Variants in GRM5 observed in about 807,000 individuals in gnomAD.
The protein encoded by GRM5 is glutamate metabotropic receptor 5, also known as metabotropic glutamate receptor 5.
In GRM5, 19 loss-of-function variants were observed where a neutral mutation model predicts 83.1. The observed-to-expected ratio is 0.23, with a 90% CI of 0.16 to 0.34. GRM5 has a LOEUF of 0.34. Among genes scored for constraint, GRM5 ranks in the 10% least tolerant of loss-of-function variants. The pLI is 1.00. For synonymous variants in GRM5, 675 were observed against 633.6 expected (o/e 1.07, Z -0.98); for missense variants, 1,160 against 1,588.3 (o/e 0.73, Z 4.58).
At chr11:88,574,296 T>C (rs1351085133) in intron 7 of GRM5, among the ~76,000 whole-genome samples, 27 of 152,214 alleles carry the variant, frequency 1.8e-4, no homozygotes. Flanking sequence ...AAAAAACTTT[T>C]GCGTTGCCTT....
chr11:88,875,988 C>A (rs1590931131), intron 2 of GRM5, among the ~76,000 whole-genome samples: 1 of 152,166 alleles, frequency 6.6e-6, no homozygotes, highest in Non-Finnish European at 1.5e-5. Context: ...CTGGCTTCAA[C>A]TTAAGGTCAC....
intron 3 of GRM5, among the ~76,000 whole-genome samples, chr11:88,805,896 G>A (rs1943492006): frequency 6.6e-6 from 1 of 152,036 alleles, no homozygotes; most frequent in Admixed American, 6.6e-5. Context: ...CCTTGACACT[G>A]ACATATTAAA....
chr11:88,983,401 G>C (rs995027998), intron 2 of GRM5, among the ~76,000 whole-genome samples: 1 of 152,170 alleles, frequency 6.6e-6, no homozygotes, highest in African/African-American at 2.4e-5. Flanking sequence ...TGGTCAACAA[G>C]AAATCATATA....
intron 3 of GRM5, among the ~76,000 whole-genome samples, chr11:88,715,421 G>A (rs1941378476): frequency 1.1e-5 from 1 of 88,652 alleles, no homozygotes; most frequent in African/African-American, 4.0e-5. Context: ...CTCCCTGATG[G>A]CATTTTTTCA....
intron 3 of GRM5, among the ~76,000 whole-genome samples, chr11:88,767,888 A>T (rs1196855669): frequency 6.6e-6 from 1 of 151,948 alleles, no homozygotes; most frequent in Admixed American, 6.6e-5. Context: ...AAACTATGAG[A>T]TACCACCTTA....
intron 4 of GRM5, among the ~76,000 whole-genome samples, chr11:88,625,281 A>G (rs146421532): frequency 1.6e-3 from 248 of 152,226 alleles, no homozygotes; most frequent in African/African-American, 5.7e-3. Flanking sequence ...AATGTGCCCC[A>G]CTTCAACTTA....
chr11:88,869,312 T>A (rs1944722880), intron 2 of GRM5, among the ~76,000 whole-genome samples: 1 of 151,632 alleles, frequency 6.6e-6, no homozygotes, highest in Admixed American at 6.6e-5. Context: ...TTTATGAAAT[T>A]GTGTAGGTAG....
intron 2 of GRM5, among the ~76,000 whole-genome samples, chr11:88,902,664 A>C (rs557120931): frequency 6.6e-6 from 1 of 152,222 alleles, no homozygotes; most frequent in Non-Finnish European, 1.5e-5. Flanking sequence ...GTGTGAAAAT[A>C]AAGCAGAGAG....
chr11:88,960,648 A>G (rs1938754467), intron 2 of GRM5, among the ~76,000 whole-genome samples: 1 of 152,198 alleles, frequency 6.6e-6, no homozygotes, highest in Non-Finnish European at 1.5e-5. Context: ...ATACCCAGAA[A>G]TTTTAGGAAA....
At chr11:88,753,026 C>G (rs1283279220) in intron 3 of GRM5, among the ~76,000 whole-genome samples, 4 of 152,104 alleles carry the variant, frequency 2.6e-5, no homozygotes, top group Non-Finnish European at 5.9e-5. Context: ...CTAGGCAATA[C>G]CATTCAGGAC....
chr11:88,912,803 T>G (rs1267858117), intron 2 of GRM5, among the ~76,000 whole-genome samples: 1 of 152,146 alleles, frequency 6.6e-6, no homozygotes, highest in Non-Finnish European at 1.5e-5. Context: ...AAAATTCCAT[T>G]CCTTGGATGT....
chr11:88,884,714 T>C (rs1027102425), intron 2 of GRM5, among the ~76,000 whole-genome samples: 14 of 152,168 alleles, frequency 9.2e-5, no homozygotes, highest in Admixed American at 9.2e-4. Context: ...GTCTTCCCTA[T>C]GCTATTCTTG....
intron 3 of GRM5, among the ~76,000 whole-genome samples, chr11:88,730,688 TA>T (rs1248837088): frequency 6.6e-5 from 10 of 151,980 alleles, no homozygotes; most frequent in East Asian, 5.8e-4. Flanking sequence ...TATGAAGCCA[TA>T]AAAAAAGGAT....
chr11:89,059,649 G>A (rs1941946810), intron 1 of GRM5, among the ~76,000 whole-genome samples: 3 of 152,216 alleles, frequency 2.0e-5, no homozygotes, highest in Middle Eastern at 6.8e-3. Flanking sequence ...ACAATCCATA[G>A]GGCAGTTGAA....
At chr11:88,610,422 A>T (rs1938281557) in intron 4 of GRM5, among the ~76,000 whole-genome samples, 1 of 151,916 alleles carries the variant, frequency 6.6e-6, no homozygotes. Context: ...TCTTACAGAG[A>T]TTTTTCACTT....
chr11:88,776,254 G>A (rs1444364253), intron 3 of GRM5, among the ~76,000 whole-genome samples: 2 of 152,046 alleles, frequency 1.3e-5, no homozygotes, highest in Non-Finnish European at 2.9e-5. Flanking sequence ...CATAGAATAG[G>A]ATTGCAACCC....
At chr11:88,969,976 T>C (rs140589612) in intron 2 of GRM5, among the ~76,000 whole-genome samples, 42 of 152,240 alleles carry the variant, frequency 2.8e-4, no homozygotes, top group African/African-American at 1.0e-3. Flanking sequence ...TATTTCCTGC[T>C]TCTTTAATTA....
At chr11:88,762,525 A>C (rs905722636) in intron 3 of GRM5, among the ~76,000 whole-genome samples, 1 of 151,968 alleles carries the variant, frequency 6.6e-6, no homozygotes, top group African/African-American at 2.4e-5. Context: ...AAAGTCAAAA[A>C]ATAAAAGATG....
At chr11:88,633,869 GACA>G (rs1424636127) in intron 4 of GRM5, among the ~76,000 whole-genome samples, 1 of 152,090 alleles carries the variant, frequency 6.6e-6, no homozygotes, top group African/African-American at 2.4e-5. Context: ...ATCACTTAAT[GACA>G]AGGATATGTT....
Sources: gnomAD v4.1 joint callset for allele counts (sites outside exome capture counted in the v4.1 genomes callset) on GRCh38, gnomAD v4.1.1 for gene constraint, MANE v1.5 for transcripts, NCBI Gene and HGNC (gene_info 2026-07-23, HGNC 2026-07-21) for gene names.